Variants in MFF observed in about 807,000 individuals in gnomAD.
The protein encoded by MFF is chromosome 2 open reading frame 33.
MFF carries 12 observed loss-of-function variants against 36.9 expected under a neutral mutation model. The ratio of observed to expected loss-of-function variants is 0.33; its 90% CI spans 0.21 to 0.53. The LOEUF is 0.53. Among genes scored for constraint, MFF ranks in the 20% least tolerant of loss-of-function variants. The probability of loss-of-function intolerance (pLI) is 0.95; values close to 1 mark genes in which losing one functional copy is unlikely to be tolerated. For missense variants in MFF, 348 were observed against 366.6 expected (o/e 0.95, Z 0.42); for synonymous variants, 99 against 126.2 (o/e 0.78, Z 1.44).
In MFF at chr2:227,357,353, C is replaced by T. The variant is rs2076309001; in HGVS notation, c.*236C>T. 5.8e-6 allele frequency: 2 copies of T among 347,576 alleles called. No individual in the cohort carries two copies. The highest frequency in any genetic ancestry group is 9.0e-5 in the Admixed American group (2 of 22,176). 21.5% of individuals were successfully genotyped at this position (347,576 alleles called of 1,614,324 possible). ...CAGTAACACCTGCTTAAAATTCTCC[C>T]TTTGCATGTTTTGTAAATAGGCTCC... On this transcript the variant is annotated 3_prime_UTR_variant, in exon 9 of 9. Coordinates refer to ENST00000304593, the MANE Select transcript of MFF (RefSeq NM_001277062.2).
intron 6 of MFF, among the ~76,000 whole-genome samples, chr2:227,348,029 G>A (rs1474347529): frequency 6.6e-6 from 1 of 151,976 alleles, no homozygotes; most frequent in Non-Finnish European, 1.5e-5. Context: ...TTTTGTCCTT[G>A]CTTTATTACT....
At chr2:227,344,151 C>T (rs1057361679) in intron 5 of MFF, among the ~76,000 whole-genome samples, 7 of 152,206 alleles carry the variant, frequency 4.6e-5, no homozygotes, top group Non-Finnish European at 1.0e-4. Context: ...AGAGCTATTA[C>T]TAATGAAGCA....
rs1559995108 is a variant in MFF at position 227,356,958 on chromosome 2, AT to A, written c.745-22del. On this transcript the variant is annotated intron_variant, in intron 8 of 8. Transcript: ENST00000304593. ...CTATTCATTAAAGCCTCTATATTAT[AT>A]TTTTTGTGTGTTTGTTTTTCACTTA... 3.8e-6 allele frequency: 6 copies of A among 1,570,428 alleles called. No individual in the cohort carries two copies. The African/African-American group carries it at 4.1e-5, about 11-fold the overall frequency.
At chr2:227,340,091 G>GT (rs1559965318) in intron 4 of MFF, among the ~76,000 whole-genome samples, 1 of 150,888 alleles carries the variant, frequency 6.6e-6, no homozygotes, top group Non-Finnish European at 1.5e-5. Flanking sequence ...TAGTAAGTAG[G>GT]GTGTGTGTGT....
intron 3 of MFF, 29 bp downstream of exon 3, chr2:227,330,875 T>C (rs1378158437): frequency 6.7e-7 from 1 of 1,500,442 alleles, no homozygotes; most frequent in East Asian, 2.3e-5. Context: ...GAAGGTTGCC[T>C]GTTAAATCTT....
chr2:227,353,913 C>T (rs914372321), intron 7 of MFF, among the ~76,000 whole-genome samples: 2 of 152,010 alleles, frequency 1.3e-5, no homozygotes, highest in African/African-American at 4.8e-5. Context: ...TATGTGGCCT[C>T]AGAGAAAGAG....
At position 227,341,880 on chromosome 2, in the gene MFF, G is replaced by A. The variant is rs551385333; in HGVS notation, c.440+1500G>A. Among the ~76,000 whole-genome samples the A allele has an allele frequency of 3.9e-5, 6 of 152,060 alleles. No individual in the cohort carries two copies. The South Asian group carries it at 1.2e-3, about 32-fold the overall frequency. ...ATAAAAACAAGATTATTGTAATATA[G>A]CACCACTCTTATTTTTTCTCCCGAA... is the stretch of plus-strand genomic sequence containing the variant. On this transcript the variant is annotated intron_variant, in intron 5 of 8. Coordinates refer to ENST00000304593, the MANE Select transcript of MFF (RefSeq NM_001277062.2).
chr2:227,356,341 G>T (rs2076257646), intron 8 of MFF, among the ~76,000 whole-genome samples: 1 of 152,124 alleles, frequency 6.6e-6, no homozygotes, highest in African/African-American at 2.4e-5. Flanking sequence ...ATCAGTAGGA[G>T]AACACAAGCT....
At chr2:227,332,818 T>G (rs1367005866) in intron 4 of MFF, among the ~76,000 whole-genome samples, 2 of 152,258 alleles carry the variant, frequency 1.3e-5, no homozygotes, top group Admixed American at 6.5e-5. Context: ...TATTATTAAG[T>G]TCCTGTGGTT....
chr2:227,337,311 A>G (rs1353649526), intron 4 of MFF, among the ~76,000 whole-genome samples: 2 of 152,214 alleles, frequency 1.3e-5, no homozygotes, highest in East Asian at 3.8e-4. Context: ...ATTTTGGACA[A>G]TGCACATGTT....
intron 4 of MFF, among the ~76,000 whole-genome samples, chr2:227,339,127 A>G (rs1237202487): frequency 6.6e-6 from 1 of 151,474 alleles, no homozygotes. Flanking sequence ...ACTTGAGCCC[A>G]GGAGGCTGAG....
intron 8 of MFF, among the ~76,000 whole-genome samples, chr2:227,356,413 T>C (rs1483508808): frequency 1.3e-5 from 2 of 152,194 alleles, no homozygotes; most frequent in Non-Finnish European, 2.9e-5. Flanking sequence ...AGGATGGTAC[T>C]GTCAGCCAGC....
chr2:227,330,626 G>A lies in MFF; in HGVS notation c.-40G>A. ...CTGTCTTTAAATTTTTCTCCCACAG[G>A]GTGAGCAGGGCAGCATTTCCTTCTC... On this transcript the variant is annotated splice_region_variant and 5_prime_UTR_variant, in exon 3 of 9. Coordinates refer to ENST00000304593, the MANE Select transcript of MFF (RefSeq NM_001277062.2). The A allele has an allele frequency of 6.2e-7, 1 of 1,612,884 alleles. No individual in the cohort carries two copies. The highest frequency in any genetic ancestry group is 8.5e-7 in the Non-Finnish European group (1 of 1,178,928).
intron 4 of MFF, among the ~76,000 whole-genome samples, chr2:227,339,362 G>A (rs2075257182): frequency 1.3e-5 from 2 of 152,198 alleles, no homozygotes; most frequent in Admixed American, 1.3e-4. Context: ...ATTTGCAGTT[G>A]CCGTGAAGGG....
intron 5 of MFF, chr2:227,346,863 A>C (rs1462194770): frequency 1.2e-5 from 2 of 163,218 alleles, no homozygotes; most frequent in Admixed American, 1.2e-4. Context: ...AGTCGACAGC[A>C]GTGTTGTTTC....
At chr2:227,335,907 C>A (rs1213042007) in intron 4 of MFF, among the ~76,000 whole-genome samples, 1 of 152,204 alleles carries the variant, frequency 6.6e-6, no homozygotes, top group African/African-American at 2.4e-5. Context: ...GTGATTCTGT[C>A]TGCTGGGAAC....
In MFF at chr2:227,347,252, G is replaced by C. The variant is rs771739880; in HGVS notation, c.467G>C (p.Arg156Pro). 1 of 1,613,642 alleles carries C rather than the reference G, an allele frequency of 6.2e-7. No homozygotes were observed. Among genetic ancestry groups the C allele is most frequent in the Non-Finnish European group, 8.5e-7 (1 of 1,179,710 alleles). The change falls in exon 6 of 9, where the codon CGG becomes CCG. Residue 156 changes from arginine (R) to proline (P), a missense_variant. Arg to Pro is a moderately radical substitution (Grantham distance 103). Transcript: ENST00000304593. ...SLVTPSPQQARVCPPHMLPED... is the reference protein window; with the variant it reads ...SLVTPSPQQAPVCPPHMLPED... Reference sequence around the variant, plus strand: ...GTGACACCATCGCCACAACAGGCTCGGGTCTGTCCTCCCCATATGTTACCT... The same window carrying C: ...GTGACACCATCGCCACAACAGGCTCCGGTCTGTCCTCCCCATATGTTACCT...
rs549511293 is a variant in MFF at position 227,347,809 on chromosome 2, C to T, written c.599+425C>T. The stretch of plus-strand genomic sequence containing the variant: ...AGCAAATCTGAGGAGGTGATGTCAG[C>T]GCAGCTGCCAGGACACTTTTTTCCT... On this transcript the variant is annotated intron_variant, in intron 6 of 8. Coordinates refer to ENST00000304593, the MANE Select transcript of MFF (RefSeq NM_001277062.2). Among the ~76,000 whole-genome samples, 4 of 152,280 alleles carry T rather than the reference C, an allele frequency of 2.6e-5. No homozygotes were observed. In the South Asian group the frequency reaches 8.3e-4, roughly 32 times the overall value.
intron 6 of MFF, among the ~76,000 whole-genome samples, chr2:227,349,221 G>A (rs757563063): frequency 1.1e-4 from 16 of 151,890 alleles, no homozygotes; most frequent in Non-Finnish European, 1.8e-4. Flanking sequence ...CCCCTCACCA[G>A]CATATACACA....
Sources: gnomAD v4.1 joint callset for allele counts (sites outside exome capture counted in the v4.1 genomes callset) on GRCh38, gnomAD v4.1.1 for gene constraint, MANE v1.5 for transcripts, NCBI Gene and HGNC (gene_info 2026-07-23, HGNC 2026-07-21) for gene names.